Variants in MRPS5 observed in about 807,000 individuals in gnomAD.
The protein encoded by MRPS5 is mitochondrial ribosomal protein S5, also known as small ribosomal subunit protein uS5m.
MRPS5 carries 27 observed loss-of-function variants against 51.9 expected under a neutral mutation model. That is an observed-to-expected ratio of 0.52 (90% confidence interval 0.38 to 0.72). The LOEUF is 0.72. Ranked by LOEUF, MRPS5 falls within the 30% of genes least tolerant of loss-of-function variation. The pLI is 0.00. For missense variants in MRPS5, 570 were observed against 545.7 expected (o/e 1.04, Z -0.44); for synonymous variants, 196 against 193.2 (o/e 1.01, Z -0.12).
At chr2:95,104,588 ACGCCTTT>A (rs1466759317) in intron 7 of MRPS5, 45 bp downstream of exon 7, 1 of 1,586,682 alleles carries the variant, frequency 6.3e-7, no homozygotes, top group Admixed American at 1.7e-5. Flanking sequence ...GGCCCGTGCC[ACGCCTTT>A]CCCTGCACAC....
intron 11 of MRPS5, among the ~76,000 whole-genome samples, chr2:95,088,076 C>CAAA (rs1675349913): frequency 6.6e-6 from 1 of 150,726 alleles, no homozygotes; most frequent in African/African-American, 2.4e-5. Context: ...AAAGGCATAG[C>CAAA]AAAAACATAC....
At chr2:95,117,070 G>A (rs931857527) in intron 2 of MRPS5, among the ~76,000 whole-genome samples, 35 of 152,032 alleles carry the variant, frequency 2.3e-4, no homozygotes, top group Admixed American at 1.4e-3. Context: ...GAACCCAGGA[G>A]GCGGAGGCTG....
chr2:95,112,800 C>T (rs1436802608), intron 3 of MRPS5, among the ~76,000 whole-genome samples: 1 of 151,806 alleles, frequency 6.6e-6, no homozygotes. Context: ...GTCAGGAGAT[C>T]GAGACCATCC....
rs765278270 is a variant in MRPS5 at position 95,104,681 on chromosome 2, A to G, written c.722T>C (p.Ile241Thr). 16 of 1,614,166 alleles carry G rather than the reference A, an allele frequency of 9.9e-6. No individual in the cohort carries two copies. In the South Asian group the frequency reaches 1.8e-4, roughly 18 times the overall value. Residue 241 changes from isoleucine to threonine, a missense_variant, in exon 7 of 12, where the codon ATC becomes ACC. Transcript: ENST00000272418. ...GTTCCCCACAGCCACCAAGACACGG[A>G]TCGATTTCTTTCTTCCCTCTTTCGC... ...MTAKEGRKKS[I>T]RVLVAVGNGK... is the part of the protein sequence containing the mutation.
chr2:95,100,393 T>G (rs1675760278), intron 10 of MRPS5, 81 bp downstream of exon 10: 3 of 1,061,676 alleles, frequency 2.8e-6, no homozygotes, highest in Non-Finnish European at 4.2e-6. Flanking sequence ...CAACTAAAGA[T>G]GAACAAAAAT....
intron 2 of MRPS5, among the ~76,000 whole-genome samples, chr2:95,115,489 T>C (rs754088791): frequency 1.3e-5 from 2 of 152,174 alleles, no homozygotes; most frequent in South Asian, 4.1e-4. Context: ...TTCGCTAACC[T>C]AGGTCAGCAG....
At chr2:95,097,898 A>C (rs374176934) in intron 10 of MRPS5, among the ~76,000 whole-genome samples, 7 of 152,358 alleles carry the variant, frequency 4.6e-5, no homozygotes, top group East Asian at 3.9e-4. Context: ...AACTACCATC[A>C]GAGTGAACAG....
chr2:95,110,821 T>C (rs1454353682), intron 3 of MRPS5, among the ~76,000 whole-genome samples: 1 of 152,190 alleles, frequency 6.6e-6, no homozygotes, highest in African/African-American at 2.4e-5. Flanking sequence ...CCATTACCAA[T>C]TTCTTTAATA....
At chr2:95,109,521 T>C (rs1282537998) in intron 4 of MRPS5, among the ~76,000 whole-genome samples, 1 of 152,286 alleles carries the variant, frequency 6.6e-6, no homozygotes, top group Non-Finnish European at 1.5e-5. Flanking sequence ...TGGCTGTTTC[T>C]GTGCTACAAC....
chr2:95,104,773 T>C, intron 6 of MRPS5, 43 bp from the exon 7 acceptor site: 1 of 1,593,996 alleles, frequency 6.3e-7, no homozygotes, highest in Non-Finnish European at 8.6e-7. Flanking sequence ...ATTAAGAAAA[T>C]CTGAAGGAGG....
At chr2:95,106,559 A>G (rs1353774218) in intron 5 of MRPS5, 102 bp from the exon 6 acceptor site, 1 of 969,610 alleles carries the variant, frequency 1.0e-6, no homozygotes. Context: ...TCGGGGAGAA[A>G]GAATCTCAGA....
chr2:95,089,556 A>G (rs1302059937), intron 11 of MRPS5, among the ~76,000 whole-genome samples: 2 of 152,180 alleles, frequency 1.3e-5, no homozygotes, highest in East Asian at 3.9e-4. Flanking sequence ...GGTGATTGGG[A>G]GCCGGGCCCA....
intron 11 of MRPS5, 31 bp from the exon 12 acceptor site, chr2:95,087,612 G>A: frequency 6.4e-7 from 1 of 1,572,298 alleles, no homozygotes; most frequent in Non-Finnish European, 8.7e-7. Flanking sequence ...AACAGGTTAG[G>A]TCTGAAGTAC....
chr2:95,104,521 G>A, intron 7 of MRPS5, 119 bp downstream of exon 7: 1 of 1,016,310 alleles, frequency 9.8e-7, no homozygotes, highest in Non-Finnish European at 1.6e-6. Context: ...ACCACTAAAA[G>A]GTTTAATCAA....
At position 95,108,344 on chromosome 2, in the gene MRPS5, G is replaced by C; in HGVS notation, c.468C>G (p.Thr156=). Residue 156 remains threonine, a synonymous_variant, in exon 5 of 12, where the codon ACC becomes ACG. Transcript: ENST00000272418. Reference sequence around the variant, plus strand: ...GCTCTTCCTTGCTTCTTTGGGCAATGGTCTGCACTGCTCCATTTTTCATAA... The same window carrying C: ...GCTCTTCCTTGCTTCTTTGGGCAATCGTCTGCACTGCTCCATTTTTCATAA... The part of the protein sequence containing the change: ...VPLMKNGAVQ[T]IAQRSKEEQE... 2.5e-6 allele frequency: 4 copies of C among 1,614,124 alleles called. No individual in the cohort carries two copies. Among genetic ancestry groups the C allele is most frequent in the Non-Finnish European group, 3.4e-6 (4 of 1,180,030 alleles).
At chr2:95,093,745 C>A (rs1325133453) in intron 10 of MRPS5, 1 of 152,140 alleles carries the variant, frequency 6.6e-6, no homozygotes, top group African/African-American at 2.4e-5. Context: ...TCATCAAAGA[C>A]CAAAGGTAGA....
chr2:95,107,134 G>A (rs936963112), intron 5 of MRPS5, among the ~76,000 whole-genome samples: 1 of 152,198 alleles, frequency 6.6e-6, no homozygotes, highest in African/African-American at 2.4e-5. Context: ...GAAAGCTTAT[G>A]TATACATTAG....
At chr2:95,101,122 A>G (rs1675788685) in intron 8 of MRPS5, among the ~76,000 whole-genome samples, 1 of 152,154 alleles carries the variant, frequency 6.6e-6, no homozygotes. Flanking sequence ...GGTGGCTCAC[A>G]TCTACAATCC....
At chr2:95,090,275 T>A in intron 11 of MRPS5, 111 bp downstream of exon 11, 11 of 984,720 alleles carry the variant, frequency 1.1e-5, no homozygotes, top group East Asian at 3.0e-5. Context: ...GCCCAACTCC[T>A]CAGGTGGCCC....
Sources: gnomAD v4.1 joint callset for allele counts (sites outside exome capture counted in the v4.1 genomes callset) on GRCh38, gnomAD v4.1.1 for gene constraint, MANE v1.5 for transcripts, NCBI Gene and HGNC (gene_info 2026-07-23, HGNC 2026-07-21) for gene names.